NDUFAF5: variants seen among roughly 807,000 people sequenced by gnomAD.
The protein encoded by NDUFAF5 is arginine-hydroxylase NDUFAF5, mitochondrial.
A neutral mutation model predicts 48.9 loss-of-function variants in NDUFAF5; 34 were observed. The observed-to-expected ratio is 0.70, with a 90% CI of 0.53 to 0.93. The LOEUF is 0.93. Among genes scored for constraint, NDUFAF5 ranks in the 40% least tolerant of loss-of-function variants. The probability of loss-of-function intolerance (pLI) is 0.00; values close to 1 mark genes in which losing one functional copy is unlikely to be tolerated. For missense variants in NDUFAF5, 428 were observed against 427.5 expected (o/e 1.00, Z -0.01); for synonymous variants, 153 against 150.6 (o/e 1.02, Z -0.12).
rs1226340867 is a variant in NDUFAF5, at chr20:13,820,424, TG to T, written c.*3216del. 6.6e-6 allele frequency: 1 copy of T among 152,214 alleles called. No individual in the cohort carries two copies. Among genetic ancestry groups the T allele is most frequent in the East Asian group, 1.9e-4 (1 of 5,200 alleles). 9.4% of individuals were successfully genotyped at this position (152,214 alleles called of 1,614,324 possible). Reference sequence around the variant, plus strand: ...TGTACAGTTTTTTGGCCGGCTGCAGTGGCTCACACCTGTGATCTCAACACTT... The same window carrying T: ...TGTACAGTTTTTTGGCCGGCTGCAGTGCTCACACCTGTGATCTCAACACTT... On this transcript the variant is annotated 3_prime_UTR_variant, in exon 11 of 11. Transcript: ENST00000378106.
At position 13,808,891 on chromosome 20, in the gene NDUFAF5, A is replaced by C; in HGVS notation, c.767A>C (p.Glu256Ala). 1 of 1,598,252 alleles carries C rather than the reference A, an allele frequency of 6.3e-7. No individual in the cohort carries two copies. Among genetic ancestry groups the C allele is most frequent in the Non-Finnish European group, 8.6e-7 (1 of 1,165,714 alleles). Residue 256 changes from glutamate (E) to alanine (A), a missense_variant, in exon 8 of 11, where the codon GAA becomes GCA. Physicochemically the swap from Glu to Ala is moderately radical, Grantham distance 107. Transcript: ENST00000378106. ...VNYPGMFELM[E>A]DLQGMGESNC... The stretch of plus-strand genomic sequence containing the variant: ...TATCCTGGAATGTTTGAATTGATGG[A>C]AGATTTACAAGGTAAGGCACTTTAA...
At chr20:13,809,121 A>C in intron 8 of NDUFAF5, 1 of 568,988 alleles carries the variant, frequency 1.8e-6, no homozygotes, top group East Asian at 3.0e-5. Context: ...TCACAGAGAT[A>C]AGTGTTAAAT....
intron 3 of NDUFAF5, 121 bp downstream of exon 3, chr20:13,788,773 ATTTG>A (rs1455794424): frequency 9.0e-6 from 6 of 669,778 alleles, no homozygotes; most frequent in Non-Finnish European, 1.5e-5. Flanking sequence ...AGAATTGTTA[ATTTG>A]TTTTTTTTTT....
rs187009944 is a variant in NDUFAF5 at position 13,816,440 on chromosome 20, A to C, written c.779-23A>C. The C allele has an allele frequency of 3.1e-4, 487 of 1,575,612 alleles. 6 individuals carry two copies. The Middle Eastern group carries it at 0.015, about 49-fold the overall frequency. On this transcript the variant is annotated intron_variant, in intron 8 of 10. Transcript: ENST00000378106. ...TCAGGGTGTTTGCTGTATTATCTCA[A>C]ACTACCTGTAGTGTATTTGTAGGTA...
intron 4 of NDUFAF5, among the ~76,000 whole-genome samples, 182 bp from the exon 5 acceptor site, chr20:13,794,656 C>G (rs1202855457): frequency 6.6e-6 from 1 of 152,110 alleles, no homozygotes; most frequent in Non-Finnish European, 1.5e-5. Flanking sequence ...GCCATTTTTT[C>G]TGGCTGATGT....
At chr20:13,798,269 T>C (rs1431235422) in intron 5 of NDUFAF5, among the ~76,000 whole-genome samples, 192 bp from the exon 6 acceptor site, 1 of 152,214 alleles carries the variant, frequency 6.6e-6, no homozygotes, top group Admixed American at 6.5e-5. Flanking sequence ...TTTTCTGGTG[T>C]GACACAAGGC....
At chr20:13,805,731 G>T (rs1213719167) in intron 7 of NDUFAF5, among the ~76,000 whole-genome samples, 1 of 152,018 alleles carries the variant, frequency 6.6e-6, no homozygotes. Flanking sequence ...TTCAGCCTGG[G>T]ATTTCAAGAC....
chr20:13,804,815 G>A (rs1984759997), intron 7 of NDUFAF5, among the ~76,000 whole-genome samples: 1 of 152,160 alleles, frequency 6.6e-6, no homozygotes, highest in Non-Finnish European at 1.5e-5. Context: ...CCTGCGTGGT[G>A]TTTTTGGGTT....
intron 8 of NDUFAF5, among the ~76,000 whole-genome samples, chr20:13,815,766 CA>C (rs1431621437): frequency 6.6e-6 from 1 of 152,052 alleles, no homozygotes; most frequent in Non-Finnish European, 1.5e-5. Context: ...AAAATATGCT[CA>C]AAGTAAATTT....
intron 1 of NDUFAF5, 123 bp downstream of exon 1, chr20:13,785,413 G>T (rs1237248303): frequency 1.4e-6 from 1 of 738,120 alleles, no homozygotes. Flanking sequence ...CAGCAGCCCT[G>T]CCTCTTTCGG....
intron 7 of NDUFAF5, among the ~76,000 whole-genome samples, chr20:13,807,115 C>T (rs1332878361): frequency 1.3e-5 from 2 of 151,134 alleles, no homozygotes; most frequent in African/African-American, 4.9e-5. Context: ...GGCGTGATCT[C>T]GGCTCACTGC....
At chr20:13,807,113 C>T (rs1378365450) in intron 7 of NDUFAF5, among the ~76,000 whole-genome samples, 1 of 149,764 alleles carries the variant, frequency 6.7e-6, no homozygotes, top group Admixed American at 6.7e-5. Context: ...GTGGCGTGAT[C>T]TCGGCTCACT....
intron 3 of NDUFAF5, 36 bp from the exon 4 acceptor site, chr20:13,793,144 G>C (rs1261182537): frequency 6.2e-7 from 1 of 1,612,394 alleles, no homozygotes; most frequent in African/African-American, 1.3e-5. Context: ...TTTGTGACTG[G>C]ATTTGTTTGT....
intron 7 of NDUFAF5, among the ~76,000 whole-genome samples, chr20:13,802,783 C>T (rs1191553618): frequency 6.6e-5 from 10 of 152,000 alleles, no homozygotes; most frequent in African/African-American, 2.4e-4. Flanking sequence ...TCCTGCCTTC[C>T]TCTTTCCCCA....
chr20:13,787,270 G>A (rs1282177912), intron 1 of NDUFAF5, 42 bp from the exon 2 acceptor site: 1 of 1,605,508 alleles, frequency 6.2e-7, no homozygotes, highest in Admixed American at 1.7e-5. Flanking sequence ...TGGAAAAAGA[G>A]TGTTACTTCC....
intron 7 of NDUFAF5, 110 bp downstream of exon 7, chr20:13,801,793 C>A: frequency 1.1e-6 from 1 of 935,816 alleles, no homozygotes; most frequent in Non-Finnish European, 1.7e-6. Context: ...CACTCTTTCT[C>A]TCCCTTTTTT....
chr20:13,787,253 T>G, intron 1 of NDUFAF5, 59 bp from the exon 2 acceptor site: 1 of 1,553,390 alleles, frequency 6.4e-7, no homozygotes, highest in South Asian at 1.1e-5. Context: ...TGTGGATTGT[T>G]GAATACTGGA....
At chr20:13,803,407 A>G (rs1448936519) in intron 7 of NDUFAF5, 1 of 152,258 alleles carries the variant, frequency 6.6e-6, no homozygotes, top group African/African-American at 2.4e-5. Context: ...AACACTATTA[A>G]TACAGGCAAT....
chr20:13,814,406 A>T, intron 8 of NDUFAF5: 1 of 1,258,860 alleles, frequency 7.9e-7, no homozygotes, highest in Non-Finnish European at 1.0e-6. Flanking sequence ...AGCTGCTATT[A>T]TTAATTCACA....
Sources: gnomAD v4.1 joint callset for allele counts (sites outside exome capture counted in the v4.1 genomes callset) on GRCh38, gnomAD v4.1.1 for gene constraint, MANE v1.5 for transcripts, NCBI Gene and HGNC (gene_info 2026-07-23, HGNC 2026-07-21) for gene names.